The following SDK1 variants were observed in gnomAD, a reference collection of about 807,000 sequenced individuals.
SDK1 encodes sidekick cell adhesion molecule 1.
In SDK1, 157 loss-of-function variants were observed where a neutral mutation model predicts 245.5. The observed-to-expected ratio is 0.64, with a 90% confidence interval of 0.56 to 0.73. SDK1 has a LOEUF of 0.73. Among genes scored for constraint, SDK1 ranks in the 30% least tolerant of loss-of-function variants. SDK1 has a pLI of 0.00. For missense variants in SDK1, 3,583 were observed against 3,002.3 expected (o/e 1.19, Z -4.52); for synonymous variants, 1,647 against 1,278.5 (o/e 1.29, Z -6.15).
At chr7:4,147,346 T>TGTTC (rs1342772172) in intron 29 of SDK1, among the ~76,000 whole-genome samples, 1 of 152,064 alleles carries the variant, frequency 6.6e-6, no homozygotes, top group Non-Finnish European at 1.5e-5. Flanking sequence ...CAGCTAATTA[T>TGTTC]GTTCTGAAGA....
chr7:4,045,371 T>G (rs1296399929), intron 17 of SDK1, among the ~76,000 whole-genome samples: 1 of 151,134 alleles, frequency 6.6e-6, no homozygotes, highest in Non-Finnish European at 1.5e-5. Context: ...GCCTCCCAAG[T>G]AGCTGGGACT....
Position 4,129,973 on chromosome 7 carries a change from G to A in SDK1, c.4005G>A (p.Thr1335=), listed in dbSNP as rs200038977. 36 of 1,613,830 alleles carry A rather than the reference G, an allele frequency of 2.2e-5. No homozygotes were observed. The highest frequency in any genetic ancestry group is 1.3e-4 in the Admixed American group (8 of 60,018). Residue 1335 remains threonine (T), a synonymous_variant, in exon 27 of 45, where the codon ACG becomes ACA. Transcript: ENST00000404826. ...PRSHIVRGNH[T]QSALLAGLRK... is the part of the protein sequence containing the mutation. ...GCCACATCGTGCGAGGGAACCACAC[G>A]CAGTCGGCCCTGCTGGCAGGCCTGC...
intron 5 of SDK1, among the ~76,000 whole-genome samples, chr7:3,950,665 T>C (rs1473786648): frequency 2.0e-5 from 3 of 152,234 alleles, no homozygotes; most frequent in East Asian, 3.9e-4. Flanking sequence ...GTTGAAAATA[T>C]CGGAAGTCAA....
At chr7:4,250,777 T>A (rs1417372104) in intron 44 of SDK1, among the ~76,000 whole-genome samples, 1 of 152,226 alleles carries the variant, frequency 6.6e-6, no homozygotes, top group African/African-American at 2.4e-5. Context: ...ATCTTCTTTT[T>A]AAAAAATGCT....
chr7:3,785,528 C>T (rs79971297), intron 4 of SDK1, among the ~76,000 whole-genome samples: 1 of 152,206 alleles, frequency 6.6e-6, no homozygotes, highest in African/African-American at 2.4e-5. Flanking sequence ...GGAGGCTGGA[C>T]TGCTTAGGAC....
intron 4 of SDK1, among the ~76,000 whole-genome samples, chr7:3,716,913 C>G (rs1480331893): frequency 6.6e-6 from 1 of 151,690 alleles, no homozygotes; most frequent in Non-Finnish European, 1.5e-5. Context: ...GAAAGAAGAA[C>G]AAATAAGTGG....
At chr7:3,617,151 T>A (rs995298024) in intron 1 of SDK1, among the ~76,000 whole-genome samples, 18 of 152,190 alleles carry the variant, frequency 1.2e-4, no homozygotes, top group African/African-American at 4.3e-4. Flanking sequence ...AATATATATA[T>A]AAGGCATTTA....
intron 1 of SDK1, among the ~76,000 whole-genome samples, chr7:3,390,487 A>G (rs1410463337): frequency 6.6e-6 from 1 of 152,206 alleles, no homozygotes; most frequent in Non-Finnish European, 1.5e-5. Context: ...GTGTCACCCC[A>G]GAAAAGTTAT....
chr7:3,592,767 G>C (rs1308445696), intron 1 of SDK1, among the ~76,000 whole-genome samples: 1 of 152,144 alleles, frequency 6.6e-6, no homozygotes, highest in African/African-American at 2.4e-5. Flanking sequence ...CTCTATCGTA[G>C]CTCCAGAATC....
chr7:3,679,663 A>G (rs1784036867), intron 4 of SDK1, among the ~76,000 whole-genome samples: 1 of 152,258 alleles, frequency 6.6e-6, no homozygotes, highest in Non-Finnish European at 1.5e-5. Flanking sequence ...CTTTGCCATC[A>G]TTGGCCATTA....
chr7:3,793,569 G>C (rs1209906094), intron 4 of SDK1, among the ~76,000 whole-genome samples: 1 of 152,114 alleles, frequency 6.6e-6, no homozygotes. Flanking sequence ...TACAGCTTTT[G>C]TATCCTTCTT....
chr7:3,662,875 C>G (rs968151254), intron 4 of SDK1, among the ~76,000 whole-genome samples: 1 of 152,086 alleles, frequency 6.6e-6, no homozygotes, highest in East Asian at 1.9e-4. Context: ...AGATGCTTAA[C>G]CCAGTATGCA....
chr7:3,886,183 T>A (rs1187699706), intron 5 of SDK1, among the ~76,000 whole-genome samples: 1 of 152,206 alleles, frequency 6.6e-6, no homozygotes, highest in Non-Finnish European at 1.5e-5. Context: ...ATCTGGGCCT[T>A]CTACAGCAAC....
chr7:3,673,160 C>G (rs555763527), intron 4 of SDK1, among the ~76,000 whole-genome samples: 1 of 152,170 alleles, frequency 6.6e-6, no homozygotes, highest in Middle Eastern at 3.4e-3. Context: ...AAATGAGTTC[C>G]AAAGGGAATT....
chr7:4,210,187 G>C (rs772363604), intron 38 of SDK1, 25 bp downstream of exon 38: 34 of 1,514,774 alleles, frequency 2.2e-5, no homozygotes, highest in Non-Finnish European at 2.9e-5. Context: ...TGGGGAGATG[G>C]GAGCGCGGGC....
chr7:3,345,752 G>T (rs4544975), intron 1 of SDK1, among the ~76,000 whole-genome samples: 89,839 of 151,880 alleles, frequency 0.59, 27,539 homozygotes, highest in African/African-American at 0.77. Flanking sequence ...CTAGAGTATT[G>T]CCTCCTCAGT....
intron 31 of SDK1, among the ~76,000 whole-genome samples, chr7:4,161,558 G>T (rs955102190): frequency 2.0e-5 from 3 of 152,188 alleles, no homozygotes; most frequent in Non-Finnish European, 4.4e-5. Context: ...GCCCAGTCTG[G>T]GTCTGTTTCT....
At chr7:3,826,296 A>C (rs931128244) in intron 5 of SDK1, among the ~76,000 whole-genome samples, 2 of 152,214 alleles carry the variant, frequency 1.3e-5, no homozygotes, top group Non-Finnish European at 2.9e-5. Context: ...AGTGCTAATC[A>C]TGAAGGTTCC....
intron 17 of SDK1, among the ~76,000 whole-genome samples, chr7:4,023,981 A>G (rs1036306298): frequency 2.0e-5 from 3 of 152,200 alleles, no homozygotes; most frequent in African/African-American, 7.2e-5. Flanking sequence ...TAAGACGCAG[A>G]TGTTGGTTTT....
Sources: allele counts gnomAD v4.1 joint callset (sites outside exome capture counted in the v4.1 genomes callset), GRCh38; gene constraint gnomAD v4.1.1; transcripts MANE v1.5; gene names NCBI Gene and HGNC (gene_info 2026-07-23, HGNC 2026-07-21).